TGM7: variants seen among roughly 807,000 people sequenced by gnomAD.
TGM7 encodes the protein transglutaminase 7, also known as protein-glutamine gamma-glutamyltransferase Z.
A neutral mutation model predicts 79.5 loss-of-function variants in TGM7; 74 were observed. The ratio of observed to expected loss-of-function variants is 0.93; its 90% CI spans 0.77 to 1.13. The LOEUF is 1.13. TGM7 is among the 50% of genes most tolerant of loss of function. The pLI, the probability that TGM7 is intolerant of heterozygous loss-of-function variation, is 0.00. For synonymous variants in TGM7, 354 were observed against 362.5 expected (o/e 0.98, Z 0.27); for missense variants, 912 against 905.9 (o/e 1.01, Z -0.09).
chr15:43,285,310 A>G (rs1318964745), intron 6 of TGM7, among the ~76,000 whole-genome samples: 3 of 152,174 alleles, frequency 2.0e-5, no homozygotes, highest in Non-Finnish European at 4.4e-5. Flanking sequence ...GCTGAGGCGG[A>G]TCACGAGGTC....
intron 11 of TGM7, among the ~76,000 whole-genome samples, chr15:43,278,595 C>A (rs1276879904): frequency 6.6e-6 from 1 of 152,186 alleles, no homozygotes; most frequent in Non-Finnish European, 1.5e-5. Context: ...GGACTAGAGG[C>A]ATGCACCACC....
intron 4 of TGM7, among the ~76,000 whole-genome samples, chr15:43,290,635 A>T (rs923392220): frequency 1.3e-5 from 2 of 152,148 alleles, no homozygotes; most frequent in African/African-American, 2.4e-5. Context: ...GATGGCATTG[A>T]ATCTATAAAT....
In TGM7 at chr15:43,293,526, T is replaced by A; in HGVS notation, c.116A>T (p.Gln39Leu). 1 of 1,611,812 alleles carries A rather than the reference T, an allele frequency of 6.2e-7. No individual in the cohort carries two copies. The highest frequency in any genetic ancestry group is 8.5e-7 in the Non-Finnish European group (1 of 1,179,664). Residue 39 changes from glutamine to leucine, a missense_variant, in exon 2 of 13, where the codon CAG becomes CTG. Gln to Leu is a moderately radical substitution (Grantham distance 113). Transcript: ENST00000452443. ...GVKRLTVRRG[Q>L]PFYLRLSFSR... Reference sequence around the variant, plus strand: ...GAAGCTCAGCCGGAGGTAGAAGGGCTGGCCGCGGCGCACAGTGAGCCGCTT... The same window carrying A: ...GAAGCTCAGCCGGAGGTAGAAGGGCAGGCCGCGGCGCACAGTGAGCCGCTT...
intron 5 of TGM7, 40 bp downstream of exon 5, chr15:43,287,501 C>A (rs1480833162): frequency 1.9e-6 from 3 of 1,612,900 alleles, no homozygotes. Context: ...CCCGGGGAAG[C>A]TCAGACTGTC....
intron 11 of TGM7, among the ~76,000 whole-genome samples, chr15:43,278,060 G>C (rs1044979717): frequency 6.6e-6 from 1 of 152,272 alleles, no homozygotes; most frequent in East Asian, 1.9e-4. Context: ...CCAGCACAGA[G>C]GCTGCCTGGT....
intron 1 of TGM7, among the ~76,000 whole-genome samples, chr15:43,293,926 T>G (rs1295301925): frequency 5.6e-4 from 17 of 30,372 alleles, no homozygotes; most frequent in African/African-American, 1.1e-3. Flanking sequence ...GGGAGTGGGG[T>G]GTGCGGGGGG....
At chr15:43,277,400 C>T (rs918780786) in intron 11 of TGM7, among the ~76,000 whole-genome samples, 4 of 152,296 alleles carry the variant, frequency 2.6e-5, no homozygotes, top group East Asian at 3.9e-4. Flanking sequence ...GAAGTGGTGT[C>T]GTGTGTGCCA....
rs56249665 is a variant in TGM7 at position 43,301,629 on chromosome 15, CA to C, written c.10+611del. On this transcript the variant is annotated intron_variant, in intron 1 of 12. Coordinates refer to ENST00000452443, the MANE Select transcript of TGM7 (RefSeq NM_052955.3). ...TGGGCTACAAAGGGAGACTCCATCT[CA>C]AAAAAAAAAAAAAGAAAAAGAAAAG... 7.7e-3 allele frequency among the ~76,000 whole-genome samples: 982 copies of C among 127,094 alleles called. 7 individuals are homozygous for C. The highest frequency in any genetic ancestry group is 0.012 in the Non-Finnish European group (695 of 57,936). 83.4% of individuals were successfully genotyped at this position (127,094 alleles called of 152,430 possible).
At chr15:43,279,326 A>AG in intron 10 of TGM7, 49 bp from the exon 11 acceptor site, 4 of 1,580,034 alleles carry the variant, frequency 2.5e-6, no homozygotes, top group Non-Finnish European at 2.6e-6. Flanking sequence ...GACCAGAGAG[A>AG]GGGGGGACAT....
intron 1 of TGM7, among the ~76,000 whole-genome samples, chr15:43,299,950 C>A (rs1242726409): frequency 6.6e-6 from 1 of 152,132 alleles, no homozygotes; most frequent in African/African-American, 2.4e-5. Context: ...GCCAAGCATT[C>A]CAAGCCCTTC....
chr15:43,279,428 T>A, intron 10 of TGM7, 151 bp from the exon 11 acceptor site: 1 of 1,142,316 alleles, frequency 8.8e-7, no homozygotes, highest in Non-Finnish European at 1.2e-6. Flanking sequence ...ACGCACACAC[T>A]GTCCCCAGGG....
At chr15:43,297,633 GAAAA>G (rs1491348505) in intron 1 of TGM7, among the ~76,000 whole-genome samples, 2 of 82,040 alleles carry the variant, frequency 2.4e-5, no homozygotes, top group African/African-American at 7.7e-5. Flanking sequence ...AAGAAAGAAA[GAAAA>G]AGAAAGAAAG....
At chr15:43,284,514 GAAGA>G (rs2042925200) in intron 7 of TGM7, among the ~76,000 whole-genome samples, 1 of 152,198 alleles carries the variant, frequency 6.6e-6, no homozygotes, top group East Asian at 1.9e-4. Context: ...GAAACTCAGA[GAAGA>G]AAGAGGAAGA....
intron 3 of TGM7, 81 bp from the exon 4 acceptor site, chr15:43,292,178 C>T (rs556793526): frequency 5.2e-5 from 50 of 964,882 alleles, no homozygotes; most frequent in African/African-American, 2.7e-4. Context: ...GTAACGACAA[C>T]GTGTTTCTGG....
Position 43,302,241 on chromosome 15 carries a change from C to A in TGM7, c.10G>T (p.Val4Leu). MDQVATLRLESVDL... is the reference protein window; with the variant it reads MDQLATLRLESVDL... ...AGGTAAGTCGATTCCCAGTACTCACCCTGATCCATCTCCCTCCTTCTCCTG... is the reference window on the plus strand; with the variant it reads ...AGGTAAGTCGATTCCCAGTACTCACACTGATCCATCTCCCTCCTTCTCCTG... Residue 4 changes from valine (V) to leucine (L), a missense_variant and splice_region_variant, in exon 1 of 13, where the codon GTG becomes TTG. Val to Leu is a conservative substitution (Grantham distance 32). Coordinates refer to ENST00000452443, the MANE Select transcript of TGM7 (RefSeq NM_052955.3). The A allele has an allele frequency of 1.9e-6, 3 of 1,614,182 alleles. No individual in the cohort carries two copies. The highest frequency in any genetic ancestry group is 2.5e-6 in the Non-Finnish European group (3 of 1,180,030).
rs760926032 is a variant in TGM7, at chr15:43,292,019, T to A, written c.518A>T (p.His173Leu). The change falls in exon 4 of 13, where the codon CAT (histidine) becomes CTT (leucine). Residue 173 changes from histidine to leucine, a missense_variant. By Grantham distance (99) the His-to-Leu change is moderately conservative. Coordinates refer to ENST00000452443, the MANE Select transcript of TGM7 (RefSeq NM_052955.3). Reference protein sequence around the residue: ...MRDYGFVYKGHERFITSWPWN... With the variant: ...MRDYGFVYKGLERFITSWPWN... The stretch of plus-strand genomic sequence containing the variant: ...GGGCCAGGAGGTGATGAATCTTTCA[T>A]GACCCTTGTAAACAAAGCCATAATC... 63 of 1,614,082 alleles carry A rather than the reference T, an allele frequency of 3.9e-5. 1 individual carries two copies. The highest frequency in any genetic ancestry group is 5.0e-5 in the Non-Finnish European group (59 of 1,179,998).
Position 43,279,771 on chromosome 15 carries a change from CGCA to C in TGM7, c.1529_1531del (p.Leu510del), listed in dbSNP as rs761721672. 6.2e-7 allele frequency: 1 copy of C among 1,613,962 alleles called. No homozygotes were observed. Among genetic ancestry groups the C allele is most frequent in the Non-Finnish European group, 8.5e-7 (1 of 1,180,042 alleles). On this transcript the variant is annotated inframe_deletion, in exon 10 of 13. Transcript: ENST00000452443. Reference sequence around the variant, plus strand: ...GGTGCTGTCTGGCACCCTCTGGATACGCAGCAGCAGCTGCAGGTCCTGGCCCCA... The same window carrying C: ...GGTGCTGTCTGGCACCCTCTGGATACGCAGCAGCTGCAGGTCCTGGCCCCA...
intron 4 of TGM7, among the ~76,000 whole-genome samples, chr15:43,290,624 G>A (rs2042959059): frequency 6.6e-6 from 1 of 152,132 alleles, no homozygotes; most frequent in South Asian, 2.1e-4. Context: ...AGCTTGATGG[G>A]GATGGCATTG....
In TGM7 at chr15:43,279,772, G is replaced by A. The variant is rs372728826; in HGVS notation, c.1531C>T (p.Arg511Cys). The A allele has an allele frequency of 1.7e-5, 28 of 1,613,900 alleles. No homozygotes were observed. The highest frequency in any genetic ancestry group is 2.1e-5 in the Non-Finnish European group (25 of 1,180,040). Residue 511 changes from arginine (R) to cysteine (C), a missense_variant, in exon 10 of 13, where the codon CGT (arginine) becomes TGT (cysteine). Transcript: ENST00000452443. The part of the protein sequence containing the change: ...EWGQDLQLLL[R>C]IQRVPDSTHP... The stretch of plus-strand genomic sequence containing the variant: ...GTGCTGTCTGGCACCCTCTGGATAC[G>A]CAGCAGCAGCTGCAGGTCCTGGCCC...
Sources: gnomAD v4.1 joint callset for allele counts (sites outside exome capture counted in the v4.1 genomes callset) on GRCh38, gnomAD v4.1.1 for gene constraint, MANE v1.5 for transcripts, NCBI Gene and HGNC (gene_info 2026-07-23, HGNC 2026-07-21) for gene names.